Variants in LDHAL6A observed in about 807,000 individuals in gnomAD.
LDHAL6A encodes the protein L-lactate dehydrogenase A-like 6A.
LDHAL6A carries 19 observed loss-of-function variants against 28.2 expected under a neutral mutation model. That is an observed-to-expected ratio of 0.67 (90% CI 0.47 to 0.99). The LOEUF is 0.99. Ranked by LOEUF, LDHAL6A falls within the 50% of genes least tolerant of loss-of-function variation. The pLI, the probability that LDHAL6A is intolerant of heterozygous loss-of-function variation, is 0.00. For missense variants in LDHAL6A, 372 were observed against 398.6 expected (o/e 0.93, Z 0.57); for synonymous variants, 144 against 134.4 (o/e 1.07, Z -0.49).
intron 3 of LDHAL6A, among the ~76,000 whole-genome samples, chr11:18,467,998 T>C (rs1287397627): frequency 3.5e-5 from 2 of 56,402 alleles, no homozygotes; most frequent in African/African-American, 1.3e-4. Context: ...TATGCATATA[T>C]ATACGTATAT....
chr11:18,478,958 T>A lies in LDHAL6A; in HGVS notation c.*88T>A. On this transcript the variant is annotated 3_prime_UTR_variant, in exon 7 of 7. Transcript: ENST00000280706. The stretch of plus-strand genomic sequence containing the variant: ...AAACTTTTGAATAAATTTGAATTTC[T>A]AAAAGTTGGAAAAATAGAGGAAAGA... The A allele has an allele frequency of 8.4e-7, 1 of 1,189,906 alleles. No homozygotes were observed. The highest frequency in any genetic ancestry group is 1.2e-6 in the Non-Finnish European group (1 of 848,400). The allele number at this position is 1,189,906 out of a possible 1,614,324, so 73.7% of individuals were successfully genotyped here.
chr11:18,467,670 C>A (rs1383292314), intron 3 of LDHAL6A, among the ~76,000 whole-genome samples: 1 of 150,958 alleles, frequency 6.6e-6, no homozygotes, highest in African/African-American at 2.4e-5. Flanking sequence ...CCAGCCTGGC[C>A]AACATGGCAA....
chr11:18,460,050 C>T (rs997648856), intron 1 of LDHAL6A, among the ~76,000 whole-genome samples: 1 of 152,206 alleles, frequency 6.6e-6, no homozygotes, highest in Non-Finnish European at 1.5e-5. Context: ...GCTTGTAATG[C>T]AGCTTAGACT....
At position 18,465,648 on chromosome 11, in the gene LDHAL6A, A is replaced by G. The variant is rs1455232395; in HGVS notation, c.256A>G (p.Thr86Ala). 2 of 1,611,868 alleles carry G rather than the reference A, an allele frequency of 1.2e-6. No homozygotes were observed. The highest frequency in any genetic ancestry group is 4.5e-5 in the East Asian group (2 of 44,892). The change falls in exon 3 of 7, where the codon ACT becomes GCT. Residue 86 changes from threonine (T) to alanine (A), a missense_variant. Around this residue, in one of 3 missense-constraint regions of LDHAL6A, gnomAD observed 291 missense variants for 302.9 expected, o/e 0.96. Transcript: ENST00000280706. The stretch of plus-strand genomic sequence containing the variant: ...TAATCTTTCCTCAGATTACCTGGTC[A>G]CTGCAAACTCCAATCTAGTGATTAT... ...NIVSSKDYLV[T>A]ANSNLVIITA...
At chr11:18,478,661 AG>A (rs772694235) in intron 6 of LDHAL6A, 44 bp from the exon 7 acceptor site, 6 of 1,476,208 alleles carry the variant, frequency 4.1e-6, no homozygotes, top group Middle Eastern at 1.7e-4. Flanking sequence ...CTCATATTGC[AG>A]AACTTTGTTA....
chr11:18,464,977 G>GTTTTTTTGTTTT (rs1565068683), intron 2 of LDHAL6A, among the ~76,000 whole-genome samples: 13 of 125,488 alleles, frequency 1.0e-4, no homozygotes, highest in Admixed American at 3.3e-4. Context: ...TGTTTTTTTT[G>GTTTTTTTGTTTT]TTTTTTTTTG....
chr11:18,459,357 T>G (rs1050338311), intron 1 of LDHAL6A, among the ~76,000 whole-genome samples: 2 of 147,600 alleles, frequency 1.4e-5, no homozygotes, highest in African/African-American at 5.0e-5. Flanking sequence ...GTTCTTCAGC[T>G]TTTGAACTCT....
At chr11:18,473,278 C>A (rs1482998905) in intron 3 of LDHAL6A, among the ~76,000 whole-genome samples, 1 of 152,148 alleles carries the variant, frequency 6.6e-6, no homozygotes, top group East Asian at 1.9e-4. Context: ...AGTAGCTCCT[C>A]AAAGTCCCAG....
intron 1 of LDHAL6A, among the ~76,000 whole-genome samples, chr11:18,457,735 A>G (rs1848793837): frequency 6.6e-6 from 1 of 152,064 alleles, no homozygotes; most frequent in Non-Finnish European, 1.5e-5. Flanking sequence ...TGGGGCCTCC[A>G]CGTATTGCCC....
rs1341771007 is a variant in LDHAL6A, at chr11:18,467,878, C to CATATATAT, written c.418+2069_418+2070insTATATATA. 1.1e-4 allele frequency among the ~76,000 whole-genome samples: 4 copies of CATATATAT among 36,312 alleles called. 1 individual carries two copies. Among genetic ancestry groups the CATATATAT allele is most frequent in the African/African-American group, 4.8e-4 (4 of 8,248 alleles). 23.8% of individuals were successfully genotyped at this position (36,312 alleles called of 152,430 possible). ...CTCAAAAAAAATATATATATATACACACATATATATATATATATATATATA... is the reference window on the plus strand; with the variant it reads ...CTCAAAAAAAATATATATATATACACATATATATACATATATATATATATATATATATA... On this transcript the variant is annotated intron_variant, in intron 3 of 6. Transcript: ENST00000280706.
chr11:18,465,441 T>TA (rs1554967097), intron 2 of LDHAL6A, among the ~76,000 whole-genome samples, 196 bp from the exon 3 acceptor site: 5 of 150,208 alleles, frequency 3.3e-5, no homozygotes, highest in South Asian at 4.2e-4. Flanking sequence ...TTTTTTTTTT[T>TA]TTATTATTAA....
At position 18,455,907 on chromosome 11, in the gene LDHAL6A, CCAAGCATCACACCT is replaced by C. The variant is rs2133855273; in HGVS notation, c.-773_-760del. On this transcript the variant is annotated 5_prime_UTR_variant, in exon 1 of 7. Transcript: ENST00000280706. ...TCACACCTGCCAAGCATCACACCTG[CCAAGCATCACACCT>C]GCCAAGCATCACACCTGCGATGCCT... 1 of 151,976 alleles carries C rather than the reference CCAAGCATCACACCT, an allele frequency of 6.6e-6. No homozygotes were observed. The highest frequency in any genetic ancestry group is 2.4e-5 in the African/African-American group (1 of 41,314). The allele number at this position is 151,976 out of a possible 1,614,324, so 9.4% of individuals were successfully genotyped here.
intron 3 of LDHAL6A, among the ~76,000 whole-genome samples, chr11:18,467,139 T>C (rs1214137584): frequency 6.6e-6 from 1 of 152,228 alleles, no homozygotes; most frequent in Non-Finnish European, 1.5e-5. Context: ...TTAGGGATAT[T>C]CAAATTACTG....
intron 3 of LDHAL6A, chr11:18,469,334 A>G (rs1268806314): frequency 9.3e-6 from 4 of 429,616 alleles, no homozygotes; most frequent in Non-Finnish European, 1.2e-5. Flanking sequence ...GTTATATGAT[A>G]ACAAATTAGG....
intron 6 of LDHAL6A, among the ~76,000 whole-genome samples, chr11:18,478,113 C>T (rs1044990947): frequency 6.6e-6 from 1 of 152,098 alleles, no homozygotes; most frequent in Non-Finnish European, 1.5e-5. Context: ...AAGAAAGCAG[C>T]ACTAGACACA....
chr11:18,471,810 C>G (rs1341608035), intron 3 of LDHAL6A, among the ~76,000 whole-genome samples: 1 of 146,066 alleles, frequency 6.8e-6, no homozygotes, highest in African/African-American at 2.5e-5. Context: ...AAAATCTACC[C>G]AGAATGGCTT....
At position 18,474,395 on chromosome 11, in the gene LDHAL6A, C is replaced by T. The variant is rs566161911; in HGVS notation, c.419-1071C>T. Among the ~76,000 whole-genome samples the T allele has an allele frequency of 7.3e-3, 1,065 of 146,608 alleles. 6 individuals carry two copies. Among genetic ancestry groups the T allele is most frequent in the Non-Finnish European group, 0.01 (697 of 66,456 alleles). ...CCTGGTGATGACGTATGTTTCTTTTCTTTTCTTTTTTTGAGACGGAGTCTT... is the reference window on the plus strand; with the variant it reads ...CCTGGTGATGACGTATGTTTCTTTTTTTTTCTTTTTTTGAGACGGAGTCTT... On this transcript the variant is annotated intron_variant, in intron 3 of 6. Coordinates refer to ENST00000280706, the MANE Select transcript of LDHAL6A (RefSeq NM_144972.5).
Position 18,478,844 on chromosome 11 carries a change from G to A in LDHAL6A, c.973G>A (p.Glu325Lys), listed in dbSNP as rs767043118. The change falls in exon 7 of 7, where the codon GAA (glutamate) becomes AAA (lysine). Residue 325 changes from glutamate (E) to lysine (K), a missense_variant. Physicochemically the swap from Glu to Lys is moderately conservative, Grantham distance 56 (BLOSUM62 1). Around this residue, in one of 3 missense-constraint regions of LDHAL6A, gnomAD observed 291 missense variants for 302.9 expected, o/e 0.96. Transcript: ENST00000280706. ...GCAAAAGAGTGCAGAAACACTTTGG[G>A]AAATTCAGAAGGAGCTCAAGCTTTA... is the stretch of plus-strand genomic sequence containing the variant. The part of the protein sequence containing the change: ...CLQKSAETLW[E>K]IQKELKL 6.2e-7 allele frequency: 1 copy of A among 1,612,584 alleles called. No homozygotes were observed. The highest frequency in any genetic ancestry group is 1.3e-5 in the African/African-American group (1 of 74,832).
At chr11:18,470,604 A>G (rs898016127) in intron 3 of LDHAL6A, among the ~76,000 whole-genome samples, 2 of 152,224 alleles carry the variant, frequency 1.3e-5, no homozygotes, top group East Asian at 1.9e-4. Context: ...AACTAAATGT[A>G]TTAATAGTTA....
Sources: gnomAD v4.1 joint callset for allele counts (sites outside exome capture counted in the v4.1 genomes callset) on GRCh38, gnomAD v4.1.1 for gene constraint, gnomAD v4.1.1 regional missense constraint, MANE v1.5 for transcripts, NCBI Gene and HGNC (gene_info 2026-07-23, HGNC 2026-07-21) for gene names.